Variants in FBN1 observed in about 807,000 individuals in gnomAD.
FBN1 encodes the protein fibrillin 1.
A neutral mutation model predicts 365.1 loss-of-function variants in FBN1; 29 were observed. The observed-to-expected ratio is 0.08, with a 90% CI of 0.06 to 0.11. FBN1 has a LOEUF of 0.11. FBN1 is among the 10% of genes least tolerant of loss of function. FBN1 has a pLI of 1.00. For missense variants in FBN1, 2,476 were observed against 3,703.2 expected, an observed-to-expected ratio of 0.67 and a Z score of 8.60; for synonymous variants, 1,210 against 1,270.5, an observed-to-expected ratio of 0.95 and a Z score of 1.01.
At chr15:48,489,426 C>T (rs1207248340) in intron 25 of FBN1, among the ~76,000 whole-genome samples, 2 of 151,972 alleles carry the variant, frequency 1.3e-5, no homozygotes, top group African/African-American at 4.8e-5. Context: ...ACCTGAGTTT[C>T]CCACTACAGG....
At chr15:48,550,994 G>C (rs75858888) in intron 6 of FBN1, among the ~76,000 whole-genome samples, 1 of 150,820 alleles carries the variant, frequency 6.6e-6, no homozygotes, top group Admixed American at 6.6e-5. Context: ...TGAATGAATG[G>C]AGGATGCAAA....
chr15:48,575,354 T>C (rs1284814666), intron 6 of FBN1, among the ~76,000 whole-genome samples: 2 of 152,044 alleles, frequency 1.3e-5, no homozygotes, highest in African/African-American at 4.8e-5. Flanking sequence ...TATGTATGTA[T>C]GTATGTATGT....
At chr15:48,634,438 G>T (rs917347472) in intron 2 of FBN1, among the ~76,000 whole-genome samples, 1 of 152,112 alleles carries the variant, frequency 6.6e-6, no homozygotes, top group Non-Finnish European at 1.5e-5. Context: ...CGGGAGTGAA[G>T]GGGTTGTCAT....
At chr15:48,573,381 T>C (rs2044320965) in intron 6 of FBN1, among the ~76,000 whole-genome samples, 1 of 152,184 alleles carries the variant, frequency 6.6e-6, no homozygotes, top group Non-Finnish European at 1.5e-5. Flanking sequence ...ATTGTTGTAC[T>C]AACCATCACT....
intron 64 of FBN1, among the ~76,000 whole-genome samples, chr15:48,413,511 G>A (rs1043792173): frequency 3.9e-5 from 6 of 152,130 alleles, no homozygotes; most frequent in African/African-American, 1.2e-4. Context: ...GCCAAGTTAC[G>A]GAGGGAGGCT....
At chr15:48,644,442 T>C in intron 2 of FBN1, 164 bp downstream of exon 2, 2 of 890,332 alleles carry the variant, frequency 2.2e-6, no homozygotes, top group South Asian at 1.5e-5. Context: ...AGGGGCAAGG[T>C]AGTTTAACCA....
intron 6 of FBN1, among the ~76,000 whole-genome samples, chr15:48,565,808 T>C (rs2140663587): frequency 6.6e-6 from 1 of 152,296 alleles, no homozygotes; most frequent in Admixed American, 6.5e-5. Flanking sequence ...ATACTCTTTA[T>C]CTTCAAGATT....
chr15:48,585,661 A>T (rs2140694773), intron 6 of FBN1, among the ~76,000 whole-genome samples: 1 of 152,340 alleles, frequency 6.6e-6, no homozygotes, highest in South Asian at 2.1e-4. Flanking sequence ...GTAGTGAAAT[A>T]GGAAGAAGTA....
chr15:48,561,616 T>C (rs1220025667), intron 6 of FBN1, among the ~76,000 whole-genome samples: 2 of 152,184 alleles, frequency 1.3e-5, no homozygotes, highest in African/African-American at 2.4e-5. Flanking sequence ...TAAAGAATCA[T>C]ATTTACCTTT....
At chr15:48,508,254 A>G (rs1052783635) in intron 15 of FBN1, among the ~76,000 whole-genome samples, 8 of 152,204 alleles carry the variant, frequency 5.3e-5, no homozygotes, top group African/African-American at 1.9e-4. Flanking sequence ...CCCTAACTGG[A>G]AAGAAGAGGT....
rs794728229 is a variant in FBN1 at position 48,468,037 on chromosome 15, T to A, written c.4648A>T (p.Ser1550Cys). The change falls in exon 38 of 66, where the codon AGC becomes TGC. Residue 1550 changes from serine to cysteine, a missense_variant. Transcript: ENST00000316623. Reference sequence around the variant, plus strand: ...GAAACACCAACTCCAATTTCATTGCTGCAGGCTGTATCTCCATTGTCTCCT... The same window carrying A: ...GAAACACCAACTCCAATTTCATTGCAGCAGGCTGTATCTCCATTGTCTCCT... ...PRGDNGDTAC[S>C]NEIGVGVSKA... The A allele has an allele frequency of 1.9e-6, 3 of 1,614,182 alleles. No individual in the cohort carries two copies. The highest frequency in any genetic ancestry group is 2.5e-6 in the Non-Finnish European group (3 of 1,180,020).
intron 15 of FBN1, among the ~76,000 whole-genome samples, chr15:48,506,092 A>G (rs558418198): frequency 6.6e-6 from 1 of 152,262 alleles, no homozygotes; most frequent in Admixed American, 6.5e-5. Context: ...GCATGATGGC[A>G]TGCGGCTATA....
At chr15:48,494,856 G>A (rs2043591266) in intron 22 of FBN1, among the ~76,000 whole-genome samples, 1 of 152,128 alleles carries the variant, frequency 6.6e-6, no homozygotes, top group Admixed American at 6.5e-5. Context: ...CTAACCACAA[G>A]GTTCCCAAGA....
chr15:48,474,382 T>G lies in FBN1; in HGVS notation c.4088-5A>C. ...CATTGGAACATTCGTCCAGATCTTA[T>G]AGAAAAAGGTTATATCATTATTAAC... On this transcript the variant is annotated splice_region_variant and splice_polypyrimidine_tract_variant and intron_variant, in intron 33 of 65. Coordinates refer to ENST00000316623, the MANE Select transcript of FBN1 (RefSeq NM_000138.5). The G allele has an allele frequency of 6.2e-7, 1 of 1,614,084 alleles. No individual in the cohort carries two copies. The highest frequency in any genetic ancestry group is 8.5e-7 in the Non-Finnish European group (1 of 1,179,998).
intron 6 of FBN1, among the ~76,000 whole-genome samples, chr15:48,542,781 ATG>A (rs58728910): frequency 0.018 from 2,383 of 130,608 alleles, 27 homozygotes; most frequent in East Asian, 0.069. Context: ...GGACTCTAAG[ATG>A]TGTGTGTGTG....
intron 45 of FBN1, among the ~76,000 whole-genome samples, chr15:48,450,393 A>G (rs2043191993): frequency 6.6e-6 from 1 of 152,216 alleles, no homozygotes; most frequent in Non-Finnish European, 1.5e-5. Flanking sequence ...AATAAATGAA[A>G]AATGAAACAT....
chr15:48,487,585 C>A, intron 27 of FBN1, 148 bp from the exon 28 acceptor site: 1 of 1,163,118 alleles, frequency 8.6e-7, no homozygotes, highest in East Asian at 2.4e-5. Context: ...TACACCAGAT[C>A]TCCCTGCAGG....
chr15:48,524,288 A>G (rs1448929441), intron 9 of FBN1, among the ~76,000 whole-genome samples: 3 of 152,238 alleles, frequency 2.0e-5, no homozygotes, highest in Non-Finnish European at 4.4e-5. Flanking sequence ...GCAGCAGGTG[A>G]CAGTTGGAAT....
At position 48,495,531 on chromosome 15, in the gene FBN1, C is replaced by G; in HGVS notation, c.2477G>C (p.Gly826Ala). ...CINGVCKNSP[G>A]SFICECSSES... ...AGAAGAACATTCACAAATAAAAGAG[C>G]CTGGGCTGTTCTTGCAGACTCCATT... Residue 826 changes from glycine to alanine, a missense_variant, in exon 21 of 66, where the codon GGC (glycine) becomes GCC (alanine). Gly to Ala is a moderately conservative substitution (Grantham distance 60). This residue lies in a region of FBN1 where 1,780 missense variants were observed against 2,840.8 expected (regional missense o/e 0.63). Coordinates refer to ENST00000316623, the MANE Select transcript of FBN1 (RefSeq NM_000138.5). 6.2e-7 allele frequency: 1 copy of G among 1,613,958 alleles called. No homozygotes were observed. Among genetic ancestry groups the G allele is most frequent in the Non-Finnish European group, 8.5e-7 (1 of 1,179,958 alleles).
Sources: allele counts gnomAD v4.1 joint callset (sites outside exome capture counted in the v4.1 genomes callset), GRCh38; gene constraint gnomAD v4.1.1; regional missense constraint gnomAD v4.1.1; transcripts MANE v1.5; gene names NCBI Gene and HGNC (gene_info 2026-07-23, HGNC 2026-07-21).